The following FUT8 variants were observed in gnomAD, a reference collection of about 807,000 sequenced individuals.
The protein encoded by FUT8 is alpha-(1,6)-fucosyltransferase.
In FUT8, 29 loss-of-function variants were observed where a neutral mutation model predicts 71.3. The ratio of observed to expected loss-of-function variants is 0.41; its 90% CI spans 0.30 to 0.55. The LOEUF is 0.55. FUT8 is among the 20% of genes least tolerant of loss of function. The pLI is 0.34. For synonymous variants in FUT8, 254 were observed against 239.3 expected (o/e 1.06, Z -0.57); for missense variants, 544 against 702.1 (o/e 0.77, Z 2.55).
At chr14:65,621,252 TTTTTG>T (rs1889590919) in intron 5 of FUT8, among the ~76,000 whole-genome samples, 1 of 152,132 alleles carries the variant, frequency 6.6e-6, no homozygotes, top group African/African-American at 2.4e-5. Context: ...CCTGTTTTTT[TTTTTG>T]TTTTGTTTTC....
chr14:65,617,721 A>G (rs1168344008), intron 5 of FUT8, among the ~76,000 whole-genome samples: 1 of 151,856 alleles, frequency 6.6e-6, no homozygotes, highest in Non-Finnish European at 1.5e-5. Flanking sequence ...GAGATAAGAG[A>G]TCTCTTGAAG....
intron 1 of FUT8, among the ~76,000 whole-genome samples, chr14:65,451,853 G>A (rs2065831417): frequency 6.6e-6 from 1 of 152,160 alleles, no homozygotes; most frequent in African/African-American, 2.4e-5. Context: ...TACCAGCTGA[G>A]TCTGGGGTTT....
At chr14:65,459,117 T>C (rs2065936915) in intron 2 of FUT8, among the ~76,000 whole-genome samples, 1 of 152,098 alleles carries the variant, frequency 6.6e-6, no homozygotes, top group Admixed American at 6.6e-5. Context: ...AGACAAAACA[T>C]TTTAGGCAGA....
chr14:65,452,424 C>T (rs1000151865), intron 1 of FUT8, among the ~76,000 whole-genome samples: 1 of 152,172 alleles, frequency 6.6e-6, no homozygotes, highest in African/African-American at 2.4e-5. Flanking sequence ...TAGGCGAGAT[C>T]ATGCGGTTGC....
At chr14:65,698,068 G>A (rs7155169) in intron 7 of FUT8, among the ~76,000 whole-genome samples, 9,840 of 151,756 alleles carry the variant, frequency 0.065, 364 homozygotes, top group Admixed American at 0.11. Flanking sequence ...TTATTATAAT[G>A]TGTAGAAATA....
rs114290156 is a variant in FUT8, at chr14:65,471,233, C to G, written c.-228+15515C>G. 5.9e-3 allele frequency: 1,077 copies of G among 181,544 alleles called. 11 individuals carry two copies. Among genetic ancestry groups the G allele is most frequent in the African/African-American group, 0.023 (974 of 41,468 alleles). The allele number at this position is 181,544 out of a possible 1,614,324, so 11.2% of individuals were successfully genotyped here. A position where few individuals can be genotyped will look rare whatever the true frequency, so the allele number is the denominator to read the frequency against. On this transcript the variant is annotated intron_variant, in intron 2 of 10. Coordinates refer to ENST00000673929, the MANE Select transcript of FUT8 (RefSeq NM_001371533.1). ...TGAGTAACTGTCTCTTTTTCTCGGTCAAAGGATAGATGGGGCTGGAGTTGG... is the reference window on the plus strand; with the variant it reads ...TGAGTAACTGTCTCTTTTTCTCGGTGAAAGGATAGATGGGGCTGGAGTTGG...
the FUT8 span, among the ~76,000 whole-genome samples, chr14:65,364,369 A>T: frequency 2.6e-5 from 4 of 151,868 alleles, no homozygotes; most frequent in Non-Finnish European, 4.4e-5. Context: ...ATGCCCAGCT[A>T]ATTTTGTATT....
chr14:65,482,086 A>G (rs1417537382), intron 2 of FUT8, among the ~76,000 whole-genome samples: 1 of 152,198 alleles, frequency 6.6e-6, no homozygotes, highest in Non-Finnish European at 1.5e-5. Flanking sequence ...CCAAGGGCAT[A>G]GAAGTTCTCT....
chr14:65,543,047 G>T (rs1302081046), intron 2 of FUT8, among the ~76,000 whole-genome samples: 1 of 152,200 alleles, frequency 6.6e-6, no homozygotes, highest in African/African-American at 2.4e-5. Context: ...CTCCCAAAGT[G>T]CTGGGATTAC....
In FUT8 at chr14:65,669,195, C is replaced by A; in HGVS notation, c.598-48C>A. ...TTAAAAAAAAAAAAGAGCAGTTGAC[C>A]TCTCTGTACAACTTATCTTTATTTT... On this transcript the variant is annotated intron_variant, in intron 6 of 10. Coordinates refer to ENST00000673929, the MANE Select transcript of FUT8 (RefSeq NM_001371533.1). The surrounding 1 kb of genome is among the most constrained non-coding windows in gnomAD (Gnocchi z 4.5). 2 of 1,408,138 alleles carry A rather than the reference C, an allele frequency of 1.4e-6. No homozygotes were observed. The highest frequency in any genetic ancestry group is 2.0e-6 in the Non-Finnish European group (2 of 1,016,702). 87.2% of individuals were successfully genotyped at this position (1,408,138 alleles called of 1,614,324 possible). A position where few individuals can be genotyped will look rare whatever the true frequency, so the allele number is the denominator to read the frequency against.
the FUT8 span, among the ~76,000 whole-genome samples, chr14:65,378,082 T>C: frequency 2.0e-5 from 3 of 152,214 alleles, no homozygotes; most frequent in African/African-American, 7.2e-5. Context: ...CTGTTACTTA[T>C]TATTTAACTC....
chr14:65,399,978 C>A, the FUT8 span, among the ~76,000 whole-genome samples: 1 of 152,252 alleles, frequency 6.6e-6, no homozygotes, highest in Non-Finnish European at 1.5e-5. Flanking sequence ...TCCCACAGGC[C>A]AAGCACTGTT....
intron 6 of FUT8, among the ~76,000 whole-genome samples, chr14:65,659,339 A>G (rs1303015776): frequency 6.6e-6 from 1 of 152,130 alleles, no homozygotes; most frequent in South Asian, 2.1e-4. Flanking sequence ...CAGATTTGAA[A>G]TCTAGTCTAA....
intron 2 of FUT8, among the ~76,000 whole-genome samples, chr14:65,494,898 T>C (rs1378292738): frequency 6.6e-6 from 1 of 152,070 alleles, no homozygotes; most frequent in Admixed American, 6.6e-5. Flanking sequence ...TTTCTGCTGA[T>C]TGAGGCTTTG....
At chr14:65,735,629 A>C (rs1594950872) in intron 10 of FUT8, among the ~76,000 whole-genome samples, 1 of 152,172 alleles carries the variant, frequency 6.6e-6, no homozygotes, top group East Asian at 1.9e-4. Flanking sequence ...TAGGATTCAC[A>C]ATAAAAGTTT....
chr14:65,552,532 T>G (rs939606328), intron 2 of FUT8, among the ~76,000 whole-genome samples: 3 of 152,156 alleles, frequency 2.0e-5, no homozygotes, highest in African/African-American at 7.2e-5. Flanking sequence ...CATGAATGAC[T>G]GCACTAAATG....
chr14:65,561,892 C>A, intron 3 of FUT8, 126 bp downstream of exon 3: 1 of 764,956 alleles, frequency 1.3e-6, no homozygotes, highest in African/African-American at 1.8e-5. Context: ...CACAACTTAG[C>A]ATGACAGTTT....
the FUT8 span, among the ~76,000 whole-genome samples, chr14:65,358,310 CAATT>C: frequency 6.6e-6 from 1 of 151,820 alleles, no homozygotes; most frequent in South Asian, 2.1e-4. Flanking sequence ...TAAATATGTA[CAATT>C]ATTTTGTGTG....
the FUT8 span, among the ~76,000 whole-genome samples, chr14:65,372,000 C>T: frequency 4.6e-5 from 7 of 152,156 alleles, no homozygotes; most frequent in Admixed American, 4.6e-4. Context: ...GTGATACCTC[C>T]AATTCTAATT....
Sources: allele counts gnomAD v4.1 joint callset (sites outside exome capture counted in the v4.1 genomes callset), GRCh38; gene constraint gnomAD v4.1.1; non-coding constraint Gnocchi (gnomAD v3.1); transcripts MANE v1.5; gene names NCBI Gene and HGNC (gene_info 2026-07-23, HGNC 2026-07-21).